Variants in TCF3 observed in about 807,000 individuals in gnomAD.
The protein encoded by TCF3 is transcription factor 3.
TCF3 carries 54 observed loss-of-function variants against 72.3 expected under a neutral mutation model. The ratio of observed to expected loss-of-function variants is 0.75; its 90% confidence interval spans 0.60 to 0.94. The LOEUF is 0.94. Among genes scored for constraint, TCF3 ranks in the 40% least tolerant of loss-of-function variants. The pLI is 0.00. For synonymous variants in TCF3, 525 were observed against 412.6 expected (o/e 1.27, Z -3.30); for missense variants, 1,078 against 934.4 (o/e 1.15, Z -2.00).
chr19:1,622,981 T>G (rs1259676892), intron 8 of TCF3, among the ~76,000 whole-genome samples: 1 of 152,132 alleles, frequency 6.6e-6, no homozygotes, highest in Non-Finnish European at 1.5e-5. Flanking sequence ...GTGGGCCTGA[T>G]GTTGTAATAA....
Position 1,610,425 on chromosome 19 carries a change from G to A in TCF3, c.*1282C>T, listed in dbSNP as rs1377209297. ...TCTGGTGTAATGGGGACATGGTGGG[G>A]TGGGGTGGGGGGTGTCCTGTGCTGG... is the stretch of plus-strand genomic sequence containing the variant. On this transcript the variant is annotated 3_prime_UTR_variant, in exon 19 of 19. Coordinates refer to ENST00000262965, the MANE Select transcript of TCF3 (RefSeq NM_003200.5). 4.3e-6 allele frequency: 1 copy of A among 230,452 alleles called. No individual in the cohort carries two copies. The allele number at this position is 230,452 out of a possible 1,614,324, so 14.3% of individuals were successfully genotyped here.
intron 3 of TCF3, among the ~76,000 whole-genome samples, chr19:1,643,366 G>GT (rs1303915555): frequency 3.3e-5 from 5 of 152,230 alleles, no homozygotes; most frequent in Non-Finnish European, 4.4e-5. Context: ...GACCCCAAGT[G>GT]TGCGCCACCA....
chr19:1,620,179 G>A (rs10416975), intron 13 of TCF3, among the ~76,000 whole-genome samples: 15 of 152,274 alleles, frequency 9.9e-5, no homozygotes, highest in South Asian at 4.1e-4. Flanking sequence ...GCTGACCCAC[G>A]CTGGGCTCCA....
rs1441664095 is a variant in TCF3, at chr19:1,646,433, G to C, written c.73-6C>G. 6.5e-7 allele frequency: 1 copy of C among 1,549,568 alleles called. No individual in the cohort carries two copies. The highest frequency in any genetic ancestry group is 1.2e-5 in the South Asian group (1 of 84,014). On this transcript the variant is annotated splice_region_variant and splice_polypyrimidine_tract_variant and intron_variant, in intron 2 of 18. Coordinates refer to ENST00000262965, the MANE Select transcript of TCF3 (RefSeq NM_003200.5). Reference sequence around the variant, plus strand: ...GTGACAGGCAGCGGGAACATCTGCAGGGAGGGGAGGGGAGACGTGAGCGGG... The same window carrying C: ...GTGACAGGCAGCGGGAACATCTGCACGGAGGGGAGGGGAGACGTGAGCGGG...
intron 6 of TCF3, among the ~76,000 whole-genome samples, chr19:1,626,285 T>G (rs547035746): frequency 4.5e-4 from 69 of 152,178 alleles, no homozygotes; most frequent in South Asian, 2.5e-3. Context: ...ACTCCGTCTC[T>G]ACAAAGAATA....
chr19:1,631,027 G>T (rs146188738), intron 5 of TCF3, among the ~76,000 whole-genome samples: 1 of 152,318 alleles, frequency 6.6e-6, no homozygotes, highest in African/African-American at 2.4e-5. Context: ...CTTCCCAAGC[G>T]TCGGTTCGTT....
At chr19:1,642,060 G>T (rs755855829) in intron 3 of TCF3, among the ~76,000 whole-genome samples, 8 of 150,420 alleles carry the variant, frequency 5.3e-5, no homozygotes, top group Non-Finnish European at 4.4e-5. Context: ...AAAAAAAATC[G>T]TACAGATGAA....
chr19:1,634,466 G>T (rs1386520738), intron 3 of TCF3, among the ~76,000 whole-genome samples: 2 of 152,224 alleles, frequency 1.3e-5, no homozygotes, highest in African/African-American at 4.8e-5. Flanking sequence ...GAGGGCCCCA[G>T]GAGCGGCCCA....
rs1325068914 is a variant in TCF3, at chr19:1,612,245, G to A, written c.1823-396C>T. ...CTCCAGCCCCAGGATGACCTGCACG[G>A]CCTGCTGCAGGATGAGCAGCTTGGT... On this transcript the variant is annotated intron_variant, in intron 18 of 18. Coordinates refer to ENST00000262965, the MANE Select transcript of TCF3 (RefSeq NM_003200.5). 3 of 1,606,218 alleles carry A rather than the reference G, an allele frequency of 1.9e-6. No homozygotes were observed. The highest frequency in any genetic ancestry group is 2.6e-6 in the Non-Finnish European group (3 of 1,174,814).
At chr19:1,642,918 C>T (rs1436924171) in intron 3 of TCF3, among the ~76,000 whole-genome samples, 1 of 152,228 alleles carries the variant, frequency 6.6e-6, no homozygotes, top group African/African-American at 2.4e-5. Context: ...TGTGGATTTT[C>T]ACTCTGACCG....
chr19:1,650,412 T>C, intron 1 of TCF3, 125 bp from the exon 2 acceptor site: 1 of 680,396 alleles, frequency 1.5e-6, no homozygotes, highest in South Asian at 1.9e-5. Context: ...GGGTCTGAGT[T>C]CCAGCAGAGC....
intron 2 of TCF3, 54 bp from the exon 3 acceptor site, chr19:1,646,481 C>G (rs1299044893): frequency 6.6e-7 from 1 of 1,506,776 alleles, no homozygotes; most frequent in East Asian, 2.5e-5. Context: ...CCAAACCCTA[C>G]AGTCCCGGGT....
rs561129554 is a variant in TCF3 at position 1,651,930 on chromosome 19, C to T, written c.-40+370G>A. Among the ~76,000 whole-genome samples, 12 of 151,188 alleles carry T rather than the reference C, an allele frequency of 7.9e-5. No homozygotes were observed. The South Asian group carries it at 1.7e-3, about 21-fold the overall frequency. On this transcript the variant is annotated intron_variant, in intron 1 of 18. Transcript: ENST00000262965. ...GCGCCCGGGCCGGGCCCCCCTCTACCCGAGAAAGGGGGCGCCCCGGGGTCC... is the reference window on the plus strand; with the variant it reads ...GCGCCCGGGCCGGGCCCCCCTCTACTCGAGAAAGGGGGCGCCCCGGGGTCC...
chr19:1,629,218 T>G (rs1263595904), intron 5 of TCF3, among the ~76,000 whole-genome samples: 2 of 151,942 alleles, frequency 1.3e-5, no homozygotes, highest in Non-Finnish European at 2.9e-5. Flanking sequence ...GAGGGGCTGA[T>G]GCCCTGGGGT....
At chr19:1,635,221 C>T (rs899104331) in intron 3 of TCF3, among the ~76,000 whole-genome samples, 2 of 152,222 alleles carry the variant, frequency 1.3e-5, no homozygotes, top group Non-Finnish European at 2.9e-5. Flanking sequence ...CACTCAGGTG[C>T]TCAGGCTAAA....
chr19:1,617,598 G>C (rs1309289546), intron 16 of TCF3, among the ~76,000 whole-genome samples: 1 of 152,224 alleles, frequency 6.6e-6, no homozygotes, highest in Non-Finnish European at 1.5e-5. Context: ...ACCCTGAGGG[G>C]GAGCCTCAGA....
At chr19:1,625,901 C>T (rs766412762) in intron 6 of TCF3, among the ~76,000 whole-genome samples, 193 bp from the exon 7 acceptor site, 6 of 152,234 alleles carry the variant, frequency 3.9e-5, no homozygotes, top group African/African-American at 9.6e-5. Context: ...GCATCCCACA[C>T]TGCTGTTTTC....
intron 6 of TCF3, among the ~76,000 whole-genome samples, chr19:1,626,615 C>A (rs2062913699): frequency 6.6e-6 from 1 of 152,176 alleles, no homozygotes; most frequent in Non-Finnish European, 1.5e-5. Flanking sequence ...GAGAGCAGGG[C>A]CCGAGCCCTA....
chr19:1,619,951 A>C, intron 13 of TCF3, 98 bp from the exon 14 acceptor site: 1 of 1,102,860 alleles, frequency 9.1e-7, no homozygotes, highest in Non-Finnish European at 1.3e-6. Flanking sequence ...CCGCCTGTCC[A>C]GCCTCCGGTG....
Sources: gnomAD v4.1 joint callset for allele counts (sites outside exome capture counted in the v4.1 genomes callset) on GRCh38, gnomAD v4.1.1 for gene constraint, MANE v1.5 for transcripts, NCBI Gene and HGNC (gene_info 2026-07-23, HGNC 2026-07-21) for gene names.